The following ZNF831 variants were observed in gnomAD, a reference collection of about 807,000 sequenced individuals.
The protein encoded by ZNF831 is zinc finger protein 831.
ZNF831 carries 59 observed loss-of-function variants against 95.8 expected under a neutral mutation model. The observed-to-expected ratio is 0.62, with a 90% CI of 0.50 to 0.77. ZNF831 has a LOEUF of 0.77. ZNF831 is among the 30% of genes least tolerant of loss of function. ZNF831 has a pLI of 0.00. For missense variants in ZNF831, 2,205 were observed against 2,164.0 expected, an observed-to-expected ratio of 1.02 and a Z score of -0.38; for synonymous variants, 961 against 925.5, an observed-to-expected ratio of 1.04 and a Z score of -0.70.
At chr20:59,176,226 C>A (rs965160283) in intron 1 of ZNF831, among the ~76,000 whole-genome samples, 2 of 152,122 alleles carry the variant, frequency 1.3e-5, no homozygotes, top group Non-Finnish European at 2.9e-5. Flanking sequence ...CCAAAAAAGC[C>A]GCATAATATG....
intron 1 of ZNF831, among the ~76,000 whole-genome samples, chr20:59,126,659 G>C (rs236718): frequency 0.91 from 139,166 of 152,308 alleles, 64,222 homozygotes; most frequent in Non-Finnish European, 0.98. Context: ...ATGGCGCCCC[G>C]TTTCCATATG....
rs140655082 is a variant in ZNF831, at chr20:59,190,123, C to G, written c.-36-861C>G. 2.0e-5 allele frequency among the ~76,000 whole-genome samples: 3 copies of G among 152,336 alleles called. No individual in the cohort carries two copies. In the East Asian group the frequency reaches 5.8e-4, roughly 29 times the overall value. On this transcript the variant is annotated intron_variant, in intron 1 of 5. Transcript: ENST00000371030. Reference sequence around the variant, plus strand: ...GGAACCAGTTTTGTCCTAACTCAGTCTGGAGGGGCTTTGGAAGCCCCACCT... The same window carrying G: ...GGAACCAGTTTTGTCCTAACTCAGTGTGGAGGGGCTTTGGAAGCCCCACCT...
intron 4 of ZNF831, among the ~76,000 whole-genome samples, chr20:59,243,568 GA>G (rs1987445357): frequency 6.6e-6 from 1 of 152,174 alleles, no homozygotes; most frequent in Non-Finnish European, 1.5e-5. Context: ...TTCCCAAGGA[GA>G]AACAAAATGG....
Position 59,208,640 on chromosome 20 carries a change from G to T in ZNF831, c.4027+1584G>T, listed in dbSNP as rs560859927. On this transcript the variant is annotated intron_variant, in intron 4 of 5. Coordinates refer to ENST00000371030, the MANE Select transcript of ZNF831 (RefSeq NM_178457.3). This position sits in a 1 kb window ranked among gnomAD's most constrained non-coding sequence, Gnocchi z 4.2. ...CCAGAGGCATGGGAACTCCAAGTACGAAGTGAGCCTCGGGGGTCATGGTAC... is the reference window on the plus strand; with the variant it reads ...CCAGAGGCATGGGAACTCCAAGTACTAAGTGAGCCTCGGGGGTCATGGTAC... Among the ~76,000 whole-genome samples, 4 of 152,198 alleles carry T rather than the reference G, an allele frequency of 2.6e-5. No individual in the cohort carries two copies. The highest frequency in any genetic ancestry group is 5.9e-5 in the Non-Finnish European group (4 of 68,042).
At chr20:59,234,477 G>C (rs963504324) in intron 4 of ZNF831, among the ~76,000 whole-genome samples, 1 of 152,242 alleles carries the variant, frequency 6.6e-6, no homozygotes, top group Non-Finnish European at 1.5e-5. Context: ...AAAGAAAGTG[G>C]CTTGAAATGA....
chr20:59,192,423 C>T lies in ZNF831; in HGVS notation c.1404C>T (p.Gly468=), dbSNP rs2146565294. 6.2e-7 allele frequency: 1 copy of T among 1,610,372 alleles called. No homozygotes were observed. The highest frequency in any genetic ancestry group is 1.3e-5 in the African/African-American group (1 of 74,954). ...ALEPGRRRAP[G]PVRSTWTPPD... ...AGCCAGGCCGTAGGAGGGCCCCGGG[C>T]CCCGTGCGCTCCACCTGGACGCCCC... Residue 468 remains glycine, a synonymous_variant, in exon 2 of 6, where the codon GGC becomes GGT. Coordinates refer to ENST00000371030, the MANE Select transcript of ZNF831 (RefSeq NM_178457.3). The surrounding 1 kb of genome is among the most constrained non-coding windows in gnomAD (Gnocchi z 5.2).
intron 1 of ZNF831, among the ~76,000 whole-genome samples, chr20:59,171,172 A>C (rs998377146): frequency 2.0e-5 from 3 of 152,134 alleles, no homozygotes; most frequent in East Asian, 1.9e-4. Context: ...ACTCCATGGC[A>C]TGTCCTCATA....
At chr20:59,232,853 A>G (rs939342332) in intron 4 of ZNF831, among the ~76,000 whole-genome samples, 3 of 152,196 alleles carry the variant, frequency 2.0e-5, no homozygotes, top group African/African-American at 7.2e-5. Flanking sequence ...CAGCACTAAC[A>G]GGAATAACAG....
chr20:59,245,220 A>G (rs1477871447), intron 4 of ZNF831, among the ~76,000 whole-genome samples: 2 of 152,234 alleles, frequency 1.3e-5, no homozygotes, highest in Admixed American at 1.3e-4. Context: ...GGGTAGCACA[A>G]TGCTACTGTC....
In ZNF831 at chr20:59,256,571, T is replaced by C. The variant is rs1988198563; in HGVS notation, c.*1828T>C. 6.6e-6 allele frequency: 1 copy of C among 152,204 alleles called. No individual in the cohort carries two copies. The highest frequency in any genetic ancestry group is 6.5e-5 in the Admixed American group (1 of 15,282). 9.4% of individuals were successfully genotyped at this position (152,204 alleles called of 1,614,324 possible). A position where few individuals can be genotyped will look rare whatever the true frequency, so the allele number is the denominator to read the frequency against. ...GAGTCTTTCTGTACCTTAGTTTCCC[T>C]AAGTGAGAATAAGAGAGTTGGACAA... is the stretch of plus-strand genomic sequence containing the variant. On this transcript the variant is annotated 3_prime_UTR_variant, in exon 6 of 6. Transcript: ENST00000371030.
At chr20:59,230,483 AAAAT>A (rs61012313) in intron 4 of ZNF831, among the ~76,000 whole-genome samples, 10 of 151,934 alleles carry the variant, frequency 6.6e-5, no homozygotes, top group South Asian at 4.1e-4. Context: ...CTGTCTCACA[AAAAT>A]AAATAAATAA....
chr20:59,187,013 G>C (rs1983102952), intron 1 of ZNF831, among the ~76,000 whole-genome samples: 2 of 152,106 alleles, frequency 1.3e-5, no homozygotes, highest in South Asian at 2.1e-4. Context: ...ACTGTGGCCA[G>C]TTCAAGCTGT....
At chr20:59,189,636 T>C (rs958871120) in intron 1 of ZNF831, among the ~76,000 whole-genome samples, 5 of 152,218 alleles carry the variant, frequency 3.3e-5, no homozygotes, top group Non-Finnish European at 5.9e-5. Context: ...CGTATCCTCC[T>C]GAGTAGCTGG....
intron 1 of ZNF831, among the ~76,000 whole-genome samples, chr20:59,184,385 T>A (rs1982845376): frequency 6.6e-6 from 1 of 151,890 alleles, no homozygotes; most frequent in South Asian, 2.1e-4. Context: ...TGGGCAATGA[T>A]ATAGTTCCTC....
chr20:59,130,263 G>T (rs1018044306), intron 1 of ZNF831, among the ~76,000 whole-genome samples: 1 of 152,116 alleles, frequency 6.6e-6, no homozygotes, highest in East Asian at 1.9e-4. Context: ...CATTTAAGCC[G>T]GGCCTGGAAG....
At chr20:59,188,530 G>T (rs774301246) in intron 1 of ZNF831, among the ~76,000 whole-genome samples, 10 of 152,186 alleles carry the variant, frequency 6.6e-5, no homozygotes, top group Middle Eastern at 3.4e-3. Context: ...GGTGGTGCAC[G>T]CCTGTAGTCC....
At chr20:59,231,247 G>A (rs780587949) in intron 4 of ZNF831, among the ~76,000 whole-genome samples, 2 of 152,186 alleles carry the variant, frequency 1.3e-5, no homozygotes, top group African/African-American at 4.8e-5. Context: ...TACTGTAGCT[G>A]GAAAATAGGT....
intron 4 of ZNF831, among the ~76,000 whole-genome samples, chr20:59,216,925 C>T (rs917689095): frequency 1.3e-5 from 2 of 150,282 alleles, no homozygotes; most frequent in African/African-American, 2.5e-5. Flanking sequence ...AGACCACTGA[C>T]AGGTGGGGCA....
chr20:59,224,627 A>G (rs1384701498), intron 4 of ZNF831, among the ~76,000 whole-genome samples: 1 of 152,198 alleles, frequency 6.6e-6, no homozygotes, highest in Non-Finnish European at 1.5e-5. Flanking sequence ...TGAGAGGCAA[A>G]TCAGGCACAT....
Sources: allele counts gnomAD v4.1 joint callset (sites outside exome capture counted in the v4.1 genomes callset), GRCh38; gene constraint gnomAD v4.1.1; non-coding constraint Gnocchi (gnomAD v3.1); transcripts MANE v1.5; gene names NCBI Gene and HGNC (gene_info 2026-07-23, HGNC 2026-07-21).